Variants in TMEM38A observed in about 807,000 individuals in gnomAD.
TMEM38A encodes trimeric intracellular cation channel type A.
Under a neutral mutation model 28.6 loss-of-function variants are expected in TMEM38A, and 17 were observed. The ratio of observed to expected loss-of-function variants is 0.60; its 90% confidence interval spans 0.41 to 0.89. The LOEUF is 0.89. TMEM38A is among the 40% of genes least tolerant of loss of function. TMEM38A has a pLI of 0.00. For synonymous variants in TMEM38A, 169 were observed against 166.1 expected (o/e 1.02, Z -0.14); for missense variants, 328 against 393.1 (o/e 0.83, Z 1.40).
chr19:16,663,356 A>T (rs1386354329), intron 1 of TMEM38A, among the ~76,000 whole-genome samples: 1 of 151,886 alleles, frequency 6.6e-6, no homozygotes, highest in Non-Finnish European at 1.5e-5. Flanking sequence ...TTGAGAAAAG[A>T]GGTCTCCAAG....
intron 4 of TMEM38A, among the ~76,000 whole-genome samples, chr19:16,684,733 T>C (rs544304988): frequency 6.6e-6 from 1 of 152,094 alleles, no homozygotes; most frequent in African/African-American, 2.4e-5. Flanking sequence ...TTATGATTTA[T>C]TACAGTGACA....
intron 1 of TMEM38A, among the ~76,000 whole-genome samples, chr19:16,674,732 G>A (rs1479177840): frequency 6.6e-6 from 1 of 152,088 alleles, no homozygotes; most frequent in Non-Finnish European, 1.5e-5. Flanking sequence ...CCAGGAGGCA[G>A]AGGTTGCAGT....
At chr19:16,681,922 T>G (rs547836830) in intron 3 of TMEM38A, among the ~76,000 whole-genome samples, 1 of 152,318 alleles carries the variant, frequency 6.6e-6, no homozygotes, top group South Asian at 2.1e-4. Context: ...GGGAAGATTC[T>G]TCCAGAAATT....
intron 1 of TMEM38A, among the ~76,000 whole-genome samples, chr19:16,672,445 C>CTTTTTTTTTTT (rs1491240988): frequency 3.0e-5 from 3 of 100,456 alleles, no homozygotes; most frequent in African/African-American, 2.3e-4. Context: ...AAAAAAACCT[C>CTTTTTTTTTTT]ATTTTTTTTT....
At chr19:16,667,863 A>G (rs992801601) in intron 1 of TMEM38A, among the ~76,000 whole-genome samples, 1 of 106,866 alleles carries the variant, frequency 9.4e-6, no homozygotes, top group African/African-American at 5.4e-5. Flanking sequence ...CCGTCTCAGA[A>G]AAAAAAAAAA....
intron 1 of TMEM38A, among the ~76,000 whole-genome samples, chr19:16,666,527 C>T (rs1237079173): frequency 6.6e-6 from 1 of 151,986 alleles, no homozygotes; most frequent in East Asian, 1.9e-4. Context: ...CTCCTGGGCT[C>T]AAGCAATCCT....
In TMEM38A at chr19:16,688,642, C is replaced by T; in HGVS notation, c.*271C>T. 6.0e-6 allele frequency: 2 copies of T among 331,280 alleles called. No individual in the cohort carries two copies. Among genetic ancestry groups the T allele is most frequent in the East Asian group, 9.3e-5 (2 of 21,498 alleles). 20.5% of individuals were successfully genotyped at this position (331,280 alleles called of 1,614,324 possible). On this transcript the variant is annotated 3_prime_UTR_variant, in exon 6 of 6. Coordinates refer to ENST00000187762, the MANE Select transcript of TMEM38A (RefSeq NM_024074.4). The stretch of plus-strand genomic sequence containing the variant: ...GGTTCACAGAATCCTGGCAGCAGCT[C>T]CAGTCAAGAATGTCACTGGTTGGCA...
intron 1 of TMEM38A, among the ~76,000 whole-genome samples, chr19:16,672,344 TC>T (rs1206585764): frequency 6.6e-6 from 1 of 151,994 alleles, no homozygotes; most frequent in African/African-American, 2.4e-5. Flanking sequence ...TCTTTTGGCT[TC>T]CCTGGGCCAT....
chr19:16,671,201 C>CTTTTTTTTTTTTTTTTTTTTTT (rs34550977), intron 1 of TMEM38A, among the ~76,000 whole-genome samples: 1 of 84,848 alleles, frequency 1.2e-5, no homozygotes, highest in African/African-American at 6.6e-5. Flanking sequence ...AGGACCTGGG[C>CTTTTTTTTTTTTTTTTTTTTTT]TTTTTTTTTT....
At chr19:16,685,279 G>A (rs532382906) in intron 4 of TMEM38A, among the ~76,000 whole-genome samples, 4 of 151,890 alleles carry the variant, frequency 2.6e-5, no homozygotes, top group Non-Finnish European at 5.9e-5. Context: ...CCAGCTACTC[G>A]GGAGGCTGAG....
intron 1 of TMEM38A, among the ~76,000 whole-genome samples, chr19:16,669,064 A>G (rs1349141206): frequency 6.6e-6 from 1 of 151,916 alleles, no homozygotes; most frequent in African/African-American, 2.4e-5. Context: ...TCCCGACCTC[A>G]GGTGATCTGC....
At chr19:16,685,254 C>T (rs116662616) in intron 4 of TMEM38A, among the ~76,000 whole-genome samples, 1,658 of 151,784 alleles carry the variant, frequency 0.011, 28 homozygotes, top group African/African-American at 0.038. Context: ...GGCGTGGTGG[C>T]GGGCATCTGT....
At chr19:16,679,339 C>G (rs1284401450) in intron 1 of TMEM38A, among the ~76,000 whole-genome samples, 1 of 149,946 alleles carries the variant, frequency 6.7e-6, no homozygotes, top group Non-Finnish European at 1.5e-5. Flanking sequence ...GTTGCCCAGG[C>G]TGGAGTGCAG....
intron 1 of TMEM38A, among the ~76,000 whole-genome samples, chr19:16,669,948 A>G (rs909929617): frequency 1.3e-5 from 2 of 150,480 alleles, no homozygotes; most frequent in Non-Finnish European, 1.5e-5. Context: ...CTGTTTGTTT[A>G]TTTATTTATT....
intron 1 of TMEM38A, among the ~76,000 whole-genome samples, chr19:16,671,721 C>T (rs12459591): frequency 0.028 from 4,272 of 152,286 alleles, 158 homozygotes; most frequent in Admixed American, 0.086. Flanking sequence ...TGAGCCACCG[C>T]GCCCAGCCGG....
At chr19:16,669,689 G>T (rs893103013) in intron 1 of TMEM38A, among the ~76,000 whole-genome samples, 3 of 152,138 alleles carry the variant, frequency 2.0e-5, no homozygotes, top group African/African-American at 7.2e-5. Context: ...GCAGAATGCT[G>T]AGCTCAAAAG....
intron 1 of TMEM38A, among the ~76,000 whole-genome samples, chr19:16,671,268 C>T (rs1366180574): frequency 7.1e-6 from 1 of 141,722 alleles, no homozygotes; most frequent in Non-Finnish European, 1.5e-5. Flanking sequence ...TGCAGTGGCA[C>T]GATCTTGGCT....
Position 16,686,313 on chromosome 19 carries a change from G to A in TMEM38A, c.580G>A (p.Ala194Thr). 6.2e-7 allele frequency: 1 copy of A among 1,612,890 alleles called. No homozygotes were observed. ...CCCCACCAAGGCCAGCCTGTATGGA[G>A]CCATCCTCTTCACCCTCCAGCAGAC... ...SFPTKASLYGAILFTLQQTRW... is the reference protein window; with the variant it reads ...SFPTKASLYGTILFTLQQTRW... Residue 194 changes from alanine to threonine, a missense_variant, in exon 5 of 6, where the codon GCC (alanine) becomes ACC (threonine). Transcript: ENST00000187762.
intron 1 of TMEM38A, among the ~76,000 whole-genome samples, chr19:16,674,201 T>A (rs73518930): frequency 0.19 from 27,955 of 150,500 alleles, 4,108 homozygotes; most frequent in African/African-American, 0.39. Flanking sequence ...TTTGGCCAAC[T>A]TGGAGAAACC....
Sources: allele counts gnomAD v4.1 joint callset (sites outside exome capture counted in the v4.1 genomes callset), GRCh38; gene constraint gnomAD v4.1.1; transcripts MANE v1.5; gene names NCBI Gene and HGNC (gene_info 2026-07-23, HGNC 2026-07-21).